The following AGBL1 variants were observed in gnomAD, a reference collection of about 807,000 sequenced individuals.
AGBL1 encodes the protein cytosolic carboxypeptidase 4.
A neutral mutation model predicts 118.9 loss-of-function variants in AGBL1; 130 were observed. The observed-to-expected ratio is 1.09, with a 90% confidence interval of 0.95 to 1.26. AGBL1 has a LOEUF of 1.26. Ranked by LOEUF, AGBL1 falls within the 50% of genes most tolerant of loss-of-function variation. The pLI, the probability that AGBL1 is intolerant of heterozygous loss-of-function variation, is 0.00. For synonymous variants in AGBL1, 555 were observed against 478.9 expected, an observed-to-expected ratio of 1.16 and a Z score of -2.08; for missense variants, 1,584 against 1,298.1, an observed-to-expected ratio of 1.22 and a Z score of -3.38.
intron 21 of AGBL1, among the ~76,000 whole-genome samples, chr15:86,644,254 A>C (rs1287932165): frequency 6.6e-6 from 1 of 152,126 alleles, no homozygotes; most frequent in African/African-American, 2.4e-5. Flanking sequence ...TGCTTGATTA[A>C]ACAGTTGGTT....
chr15:86,974,572 T>TA (rs2081153090), intron 23 of AGBL1, among the ~76,000 whole-genome samples: 1 of 138,646 alleles, frequency 7.2e-6, no homozygotes, highest in African/African-American at 2.8e-5. Context: ...AAATTATATA[T>TA]ATTAAATATA....
Position 86,224,432 on chromosome 15 carries a change from G to A in AGBL1, c.489-482G>A, listed in dbSNP as rs144400662. Reference sequence around the variant, plus strand: ...AGGAAACAGCCTCTCTTTGCAATGTGTGAATGCATTTTCCACTGCATCCCC... The same window carrying A: ...AGGAAACAGCCTCTCTTTGCAATGTATGAATGCATTTTCCACTGCATCCCC... On this transcript the variant is annotated intron_variant, in intron 5 of 22. Transcript: ENST00000614907. 8.0e-3 allele frequency among the ~76,000 whole-genome samples: 1,212 copies of A among 152,232 alleles called. 15 individuals carry two copies. The highest frequency in any genetic ancestry group is 0.028 in the African/African-American group (1,143 of 41,524).
chr15:86,354,528 C>T (rs1220451777), intron 17 of AGBL1, among the ~76,000 whole-genome samples: 1 of 152,040 alleles, frequency 6.6e-6, no homozygotes, highest in African/African-American at 2.4e-5. Context: ...TAAGGTTAAG[C>T]GGATTTACAA....
intron 19 of AGBL1, 60 bp from the exon 20 acceptor site, chr15:86,545,942 G>A (rs1318274529): frequency 3.8e-6 from 6 of 1,569,304 alleles, no homozygotes; most frequent in Middle Eastern, 1.7e-4. Context: ...CGATTTAAGT[G>A]GATTTAAGAA....
chr15:86,569,792 A>C (rs2083975570), intron 21 of AGBL1, among the ~76,000 whole-genome samples: 1 of 152,186 alleles, frequency 6.6e-6, no homozygotes, highest in Non-Finnish European at 1.5e-5. Context: ...GGAACCATGA[A>C]ATTTAAACGC....
chr15:86,448,532 C>T (rs77006693), intron 18 of AGBL1, among the ~76,000 whole-genome samples: 6,804 of 152,242 alleles, frequency 0.045, 203 homozygotes, highest in South Asian at 0.097. Flanking sequence ...AACAACACTT[C>T]GGATTTTTAG....
At chr15:86,756,648 G>A (rs1014573988) in intron 22 of AGBL1, among the ~76,000 whole-genome samples, 9 of 152,120 alleles carry the variant, frequency 5.9e-5, no homozygotes, top group Admixed American at 5.9e-4. Context: ...CTGGGGTGGA[G>A]CGTCTATAAC....
intron 22 of AGBL1, among the ~76,000 whole-genome samples, chr15:86,764,797 C>T (rs1183453821): frequency 1.3e-5 from 2 of 152,028 alleles, no homozygotes; most frequent in Non-Finnish European, 2.9e-5. Context: ...TGGGCGTGAA[C>T]ATTAAAATGA....
At chr15:86,896,151 T>C (rs1435830588) in intron 22 of AGBL1, among the ~76,000 whole-genome samples, 2 of 152,114 alleles carry the variant, frequency 1.3e-5, no homozygotes, top group African/African-American at 4.8e-5. Flanking sequence ...TCTTTTTCTT[T>C]CATTATGTTT....
At chr15:86,374,534 G>A (rs1164210935) in intron 17 of AGBL1, among the ~76,000 whole-genome samples, 1 of 152,120 alleles carries the variant, frequency 6.6e-6, no homozygotes, top group East Asian at 1.9e-4. Flanking sequence ...CAGTCCCTCT[G>A]GCCATGACAA....
At chr15:86,579,852 T>A (rs1274254634) in intron 21 of AGBL1, among the ~76,000 whole-genome samples, 1 of 152,106 alleles carries the variant, frequency 6.6e-6, no homozygotes, top group Non-Finnish European at 1.5e-5. Context: ...ATTGGTTGGT[T>A]GAGGTGGTGA....
At chr15:86,296,235 A>AAAC in intron 17 of AGBL1, 1 of 150,274 alleles carries the variant, frequency 6.7e-6, no homozygotes, top group East Asian at 1.9e-4. Flanking sequence ...AAAAACAAAA[A>AAAC]AACAAAAAAA....
chr15:86,919,359 C>T (rs1428702981), downstream of AGBL1, among the ~76,000 whole-genome samples: 1 of 152,136 alleles, frequency 6.6e-6, no homozygotes, highest in African/African-American at 2.4e-5. Context: ...ACAGCCTTAC[C>T]TGAGCCATGC....
chr15:86,562,973 T>A (rs1331259572), intron 21 of AGBL1, among the ~76,000 whole-genome samples: 1 of 152,232 alleles, frequency 6.6e-6, no homozygotes, highest in Non-Finnish European at 1.5e-5. Context: ...TGTATTTCTG[T>A]GGGATCGGTG....
intron 15 of AGBL1, among the ~76,000 whole-genome samples, chr15:86,279,138 G>A (rs2079306009): frequency 6.6e-6 from 1 of 152,192 alleles, no homozygotes; most frequent in Admixed American, 6.5e-5. Context: ...GATGACATAT[G>A]TTAAATGTTG....
At chr15:86,161,097 G>C (rs1261482897) in intron 5 of AGBL1, among the ~76,000 whole-genome samples, 1 of 152,212 alleles carries the variant, frequency 6.6e-6, no homozygotes, top group African/African-American at 2.4e-5. Context: ...TAATACCAGG[G>C]ATTAAGGGAG....
intron 3 of AGBL1, among the ~76,000 whole-genome samples, chr15:86,149,109 C>G (rs940572581): frequency 4.6e-5 from 7 of 152,164 alleles, no homozygotes; most frequent in African/African-American, 1.7e-4. Flanking sequence ...GCCTGCCTTA[C>G]AAGAGCTCCT....
intron 22 of AGBL1, among the ~76,000 whole-genome samples, chr15:86,752,247 C>G (rs949979551): frequency 3.9e-5 from 6 of 152,070 alleles, no homozygotes; most frequent in African/African-American, 1.4e-4. Context: ...ACAGCTCTGT[C>G]CCTCCCAACT....
intron 7 of AGBL1, among the ~76,000 whole-genome samples, chr15:86,251,461 C>T (rs375140666): frequency 1.1e-4 from 17 of 152,312 alleles, no homozygotes; most frequent in African/African-American, 3.8e-4. Flanking sequence ...TTTAGGATCA[C>T]ACTTGGAAAA....
Sources: gnomAD v4.1 joint callset for allele counts (sites outside exome capture counted in the v4.1 genomes callset) on GRCh38, gnomAD v4.1.1 for gene constraint, MANE v1.5 for transcripts, NCBI Gene and HGNC (gene_info 2026-07-23, HGNC 2026-07-21) for gene names.